RNF216: variants seen among roughly 807,000 people sequenced by gnomAD.
The protein encoded by RNF216 is E3 ubiquitin-protein ligase RNF216.
RNF216 carries 72 observed loss-of-function variants against 110.8 expected under a neutral mutation model. The observed-to-expected ratio is 0.65, with a 90% CI of 0.54 to 0.79. The LOEUF (loss-of-function observed/expected upper bound fraction) is 0.79. Ranked by LOEUF, RNF216 falls within the 30% of genes least tolerant of loss-of-function variation. RNF216 has a pLI of 0.00. For synonymous variants in RNF216, 495 were observed against 407.5 expected (o/e 1.21, Z -2.59); for missense variants, 1,342 against 1,141.2 (o/e 1.18, Z -2.54).
intron 9 of RNF216, among the ~76,000 whole-genome samples, chr7:5,718,210 G>T (rs1475310528): frequency 6.6e-6 from 1 of 151,962 alleles, no homozygotes; most frequent in East Asian, 1.9e-4. Flanking sequence ...GCGAAACCCT[G>T]TCTCTACTAA....
rs531907405 is a variant in RNF216, at chr7:5,711,427, G to A, written c.2061+334C>T. Among the ~76,000 whole-genome samples the A allele has an allele frequency of 2.6e-5, 4 of 152,322 alleles. No homozygotes were observed. In the East Asian group the frequency reaches 7.7e-4, roughly 29 times the overall value. Reference sequence around the variant, plus strand: ...GGGAGGGGTAGCAGGGGCTATTTGAGCACAGGTGGTGAAGAGAGCAAGCAA... The same window carrying A: ...GGGAGGGGTAGCAGGGGCTATTTGAACACAGGTGGTGAAGAGAGCAAGCAA... On this transcript the variant is annotated intron_variant, in intron 13 of 16. Transcript: ENST00000389902.
chr7:5,669,235 G>A (rs943081168), intron 13 of RNF216, among the ~76,000 whole-genome samples: 7 of 152,154 alleles, frequency 4.6e-5, no homozygotes, highest in African/African-American at 7.2e-5. Context: ...CTCTGATTCC[G>A]ACACATAGTA....
chr7:5,738,289 T>G (rs1794552086), intron 5 of RNF216, among the ~76,000 whole-genome samples: 1 of 152,052 alleles, frequency 6.6e-6, no homozygotes, highest in Non-Finnish European at 1.5e-5. Flanking sequence ...TGCAGTAGCG[T>G]AACACAGCTC....
At chr7:5,689,883 G>A (rs918838248) in intron 13 of RNF216, among the ~76,000 whole-genome samples, 1 of 151,178 alleles carries the variant, frequency 6.6e-6, no homozygotes, top group Non-Finnish European at 1.5e-5. Flanking sequence ...GGGGGTTGCA[G>A]TGAGCCAAGA....
chr7:5,768,232 C>T (rs1796305150), intron 1 of RNF216, among the ~76,000 whole-genome samples: 1 of 150,560 alleles, frequency 6.6e-6, no homozygotes, highest in South Asian at 2.1e-4. Context: ...AGGAGGATCA[C>T]TTGAGCCCAG....
intron 5 of RNF216, among the ~76,000 whole-genome samples, chr7:5,733,341 C>T (rs10267873): frequency 1.3e-5 from 2 of 152,216 alleles, no homozygotes; most frequent in South Asian, 4.1e-4. Flanking sequence ...GTCAGCAAGT[C>T]CCTAAAAATA....
chr7:5,741,793 C>T lies in RNF216; in HGVS notation c.224G>A (p.Arg75Gln), dbSNP rs753281424. The stretch of plus-strand genomic sequence containing the variant: ...GGCAGCTGGTTTGATGAGATTGGGT[C>T]GTGATCTCTGAGGTTTATTTGTCTA... ...LTETNKPQRS[R>Q]PNLIKPAAQW... is the part of the protein sequence containing the mutation. Residue 75 changes from arginine (R) to glutamine (Q), a missense_variant, in exon 4 of 17, where the codon CGA becomes CAA. Coordinates refer to ENST00000389902, the MANE Select transcript of RNF216 (RefSeq NM_207111.4). 20 of 1,609,710 alleles carry T rather than the reference C, an allele frequency of 1.2e-5. No individual in the cohort carries two copies. Among genetic ancestry groups the T allele is most frequent in the Admixed American group, 1.2e-4 (7 of 58,964 alleles).
intron 4 of RNF216, among the ~76,000 whole-genome samples, chr7:5,739,986 G>A (rs554004983): frequency 1.8e-4 from 26 of 140,986 alleles, no homozygotes; most frequent in African/African-American, 5.7e-4. Context: ...CTGGGTGACA[G>A]AGTGAGACTC....
intron 11 of RNF216, among the ~76,000 whole-genome samples, chr7:5,714,682 A>G (rs1442713502): frequency 1.3e-5 from 2 of 152,248 alleles, no homozygotes; most frequent in Non-Finnish European, 2.9e-5. Flanking sequence ...AGAGAAACTC[A>G]CTTTGGAGAG....
chr7:5,740,104 CTTTTTTTTTTTTTTT>C (rs71004698), intron 4 of RNF216, among the ~76,000 whole-genome samples: 5 of 118,502 alleles, frequency 4.2e-5, no homozygotes, highest in African/African-American at 1.4e-4. Flanking sequence ...GATGTAACAC[CTTTTTTTTTTTTTTT>C]TTTTTTTTTT....
At chr7:5,679,940 C>T (rs1790544233) in intron 13 of RNF216, among the ~76,000 whole-genome samples, 1 of 152,160 alleles carries the variant, frequency 6.6e-6, no homozygotes, top group Non-Finnish European at 1.5e-5. Flanking sequence ...AATAGGGACC[C>T]TGTATGCACA....
At chr7:5,676,842 C>G (rs934286677) in intron 13 of RNF216, among the ~76,000 whole-genome samples, 2 of 152,322 alleles carry the variant, frequency 1.3e-5, no homozygotes, top group South Asian at 4.1e-4. Flanking sequence ...TTGTCCCAGG[C>G]TAGATTCAAG....
At chr7:5,741,937 T>C (rs1289682906) in intron 3 of RNF216, 122 bp from the exon 4 acceptor site, 14 of 936,872 alleles carry the variant, frequency 1.5e-5, no homozygotes, top group Middle Eastern at 2.7e-4. Flanking sequence ...CCCTTAACAA[T>C]ACCTATTCTT....
intron 15 of RNF216, among the ~76,000 whole-genome samples, chr7:5,630,508 A>G (rs1787003377): frequency 6.6e-6 from 1 of 152,138 alleles, no homozygotes; most frequent in East Asian, 1.9e-4. Context: ...CTCCCCGAGT[A>G]GGTGGGACTA....
At chr7:5,679,124 T>C (rs1053771380) in intron 13 of RNF216, among the ~76,000 whole-genome samples, 4 of 152,212 alleles carry the variant, frequency 2.6e-5, no homozygotes, top group Non-Finnish European at 4.4e-5. Flanking sequence ...GGATGAAACA[T>C]CTTAGTTATC....
At position 5,720,941 on chromosome 7, in the gene RNF216, G is replaced by A. The variant is rs925278579; in HGVS notation, c.1644+92C>T. The A allele has an allele frequency of 5.5e-6, 7 of 1,263,498 alleles. No individual in the cohort carries two copies. In the African/African-American group the frequency reaches 1.0e-4, roughly 19 times the overall value. 78.3% of individuals were successfully genotyped at this position (1,263,498 alleles called of 1,614,324 possible). On this transcript the variant is annotated intron_variant, in intron 9 of 16. Transcript: ENST00000389902. ...CAAATTTAACAGTCTGAAGAAAAGGGAAATCTTAAAAGACAGTTTTGTACT... is the reference window on the plus strand; with the variant it reads ...CAAATTTAACAGTCTGAAGAAAAGGAAAATCTTAAAAGACAGTTTTGTACT...
intron 15 of RNF216, among the ~76,000 whole-genome samples, chr7:5,630,424 G>GAC (rs1786998718): frequency 6.6e-6 from 1 of 152,046 alleles, no homozygotes; most frequent in Admixed American, 6.6e-5. Context: ...TCAGCCCAGG[G>GAC]TGGAGTAAAA....
chr7:5,693,879 T>C (rs989644715), intron 13 of RNF216, among the ~76,000 whole-genome samples: 1 of 152,138 alleles, frequency 6.6e-6, no homozygotes, highest in African/African-American at 2.4e-5. Context: ...GAGATGCTAT[T>C]TGCTTAAGAA....
chr7:5,649,107 C>G (rs758023783), intron 14 of RNF216, among the ~76,000 whole-genome samples: 4 of 152,132 alleles, frequency 2.6e-5, no homozygotes, highest in Non-Finnish European at 5.9e-5. Flanking sequence ...GCCGGGCGGG[C>G]GCGGTGGCTC....
Sources: gnomAD v4.1 joint callset for allele counts (sites outside exome capture counted in the v4.1 genomes callset) on GRCh38, gnomAD v4.1.1 for gene constraint, MANE v1.5 for transcripts, NCBI Gene and HGNC (gene_info 2026-07-23, HGNC 2026-07-21) for gene names.